The following MYO10 variants were observed in gnomAD, a reference collection of about 807,000 sequenced individuals.
MYO10 encodes the protein myosin X.
Under a neutral mutation model 257.3 loss-of-function variants are expected in MYO10, and 133 were observed. The ratio of observed to expected loss-of-function variants is 0.52; its 90% CI spans 0.45 to 0.60. The LOEUF (loss-of-function observed/expected upper bound fraction) is 0.60, where lower values mean the gene tolerates loss of function less well. Ranked by LOEUF, MYO10 falls within the 20% of genes least tolerant of loss-of-function variation. The pLI is 0.00. For synonymous variants in MYO10, 1,104 were observed against 1,028.6 expected (o/e 1.07, Z -1.40); for missense variants, 2,399 against 2,635.7 (o/e 0.91, Z 1.97).
chr5:16,699,610 G>A (rs758238633), intron 25 of MYO10, 37 bp from the exon 26 acceptor site: 2 of 1,611,712 alleles, frequency 1.2e-6, no homozygotes, highest in African/African-American at 2.7e-5. Flanking sequence ...TGAGGGAAAA[G>A]GCCACAAAGC....
intron 37 of MYO10, among the ~76,000 whole-genome samples, chr5:16,671,982 G>A (rs538487529): frequency 6.6e-6 from 1 of 152,182 alleles, no homozygotes; most frequent in East Asian, 1.9e-4. Context: ...TCGAGGATAT[G>A]AAGTCACAGA....
chr5:16,935,070 CAAGTT>C (rs1746397340), intron 1 of MYO10, among the ~76,000 whole-genome samples: 2 of 152,338 alleles, frequency 1.3e-5, no homozygotes, highest in Non-Finnish European at 2.9e-5. Context: ...AAAGGGTTCT[CAAGTT>C]AAGTTTCAGT....
Position 16,851,911 on chromosome 5 carries a change from C to A in MYO10, c.120+25698G>T, listed in dbSNP as rs568458711. 4.6e-5 allele frequency among the ~76,000 whole-genome samples: 7 copies of A among 151,856 alleles called. 1 individual carries two copies. In the South Asian group the frequency reaches 1.5e-3, roughly 32 times the overall value. On this transcript the variant is annotated intron_variant, in intron 2 of 40. Coordinates refer to ENST00000513610, the MANE Select transcript of MYO10 (RefSeq NM_012334.3). ...ACTAAAAATACAAAAATTAGCTGGG[C>A]ATGGTGGCAAGTGCCTGTAATCCCA...
At chr5:16,927,264 G>A (rs1054825684) in intron 1 of MYO10, among the ~76,000 whole-genome samples, 11 of 151,854 alleles carry the variant, frequency 7.2e-5, no homozygotes, top group Admixed American at 7.2e-4. Flanking sequence ...CAAACATGAA[G>A]AGCCACACCA....
chr5:16,765,563 C>T (rs113207628), intron 11 of MYO10, among the ~76,000 whole-genome samples: 4 of 152,222 alleles, frequency 2.6e-5, no homozygotes, highest in East Asian at 1.9e-4. Flanking sequence ...ATTGGCTCAG[C>T]GCAGTAGCAG....
intron 9 of MYO10, among the ~76,000 whole-genome samples, chr5:16,772,561 A>G (rs1741086938): frequency 1.3e-5 from 2 of 152,242 alleles, no homozygotes; most frequent in East Asian, 3.8e-4. Context: ...GTCTGGGAAG[A>G]AAATTTACAA....
At chr5:16,679,332 A>G (rs10074874) in intron 33 of MYO10, among the ~76,000 whole-genome samples, 6,080 of 152,238 alleles carry the variant, frequency 0.04, 293 homozygotes, top group African/African-American at 0.12. Context: ...CCCCATGAGC[A>G]GGGAGCCCCA....
Position 16,666,685 on chromosome 5 carries a change from C to T in MYO10, c.*7G>A. Reference sequence around the variant, plus strand: ...GGTAGCAAAGACAGGTGGGCTCTGTCCCGCCTTCACCTGGAGCTGCCCTGG... The same window carrying T: ...GGTAGCAAAGACAGGTGGGCTCTGTTCCGCCTTCACCTGGAGCTGCCCTGG... On this transcript the variant is annotated 3_prime_UTR_variant, in exon 41 of 41. Transcript: ENST00000513610. 1 of 1,590,834 alleles carries T rather than the reference C, an allele frequency of 6.3e-7. No individual in the cohort carries two copies. The highest frequency in any genetic ancestry group is 1.1e-5 in the South Asian group (1 of 87,606).
intron 19 of MYO10, chr5:16,738,400 TG>T: frequency 1.0e-6 from 1 of 985,364 alleles, no homozygotes; most frequent in Non-Finnish European, 1.2e-6. Flanking sequence ...CTTGATTGCC[TG>T]GCATTAGAAA....
At chr5:16,818,817 T>C (rs1742719245) in intron 2 of MYO10, among the ~76,000 whole-genome samples, 1 of 152,208 alleles carries the variant, frequency 6.6e-6, no homozygotes, top group Non-Finnish European at 1.5e-5. Context: ...AGTTCAAGTA[T>C]GAACCATCTT....
intron 1 of MYO10, among the ~76,000 whole-genome samples, chr5:16,887,476 T>C (rs948286944): frequency 6.6e-6 from 1 of 152,160 alleles, no homozygotes; most frequent in African/African-American, 2.4e-5. Flanking sequence ...TGCCAACTGA[T>C]TGAGTCCTGA....
chr5:16,707,612 G>C (rs73051045), intron 21 of MYO10, among the ~76,000 whole-genome samples: 160 of 152,302 alleles, frequency 1.1e-3, no homozygotes, highest in African/African-American at 3.7e-3. Flanking sequence ...CTGAAGTCCA[G>C]AGGGTCAGAA....
intron 27 of MYO10, among the ~76,000 whole-genome samples, chr5:16,693,302 T>G (rs369987696): frequency 7.9e-5 from 12 of 152,224 alleles, no homozygotes; most frequent in African/African-American, 2.9e-4. Context: ...ATGAGGAACA[T>G]CACGGTATGT....
intron 16 of MYO10, among the ~76,000 whole-genome samples, chr5:16,761,782 T>C (rs1740720271): frequency 6.6e-6 from 1 of 152,118 alleles, no homozygotes; most frequent in Admixed American, 6.6e-5. Flanking sequence ...CCAGAACAGC[T>C]AGGACAACAG....
chr5:16,694,926 G>A (rs1249634474), intron 26 of MYO10, among the ~76,000 whole-genome samples: 4 of 152,220 alleles, frequency 2.6e-5, no homozygotes, highest in Admixed American at 6.5e-5. Context: ...ACCCAGGAAT[G>A]AGTCAAAAGC....
At chr5:16,792,549 G>A (rs528032993) in intron 4 of MYO10, among the ~76,000 whole-genome samples, 6 of 150,620 alleles carry the variant, frequency 4.0e-5, no homozygotes, top group African/African-American at 1.5e-4. Context: ...TGGCACCTCT[G>A]TCCTCCCCCA....
At chr5:16,676,993 T>C (rs1360281695) in intron 33 of MYO10, among the ~76,000 whole-genome samples, 1 of 152,232 alleles carries the variant, frequency 6.6e-6, no homozygotes, top group East Asian at 1.9e-4. Flanking sequence ...TCTCTATACC[T>C]GAAAACTACA....
At chr5:16,874,062 T>C (rs1346412254) in intron 2 of MYO10, among the ~76,000 whole-genome samples, 1 of 152,134 alleles carries the variant, frequency 6.6e-6, no homozygotes, top group Non-Finnish European at 1.5e-5. Flanking sequence ...CGACTGGGCA[T>C]GGTGGCTCAC....
intron 19 of MYO10, among the ~76,000 whole-genome samples, chr5:16,739,367 TG>T (rs1197536480): frequency 6.6e-6 from 1 of 152,210 alleles, no homozygotes; most frequent in East Asian, 1.9e-4. Context: ...TACTAAAACA[TG>T]TTCTTATTGA....
Sources: allele counts gnomAD v4.1 joint callset (sites outside exome capture counted in the v4.1 genomes callset), GRCh38; gene constraint gnomAD v4.1.1; transcripts MANE v1.5; gene names NCBI Gene and HGNC (gene_info 2026-07-23, HGNC 2026-07-21).